The following BNC2 variants were observed in gnomAD, a reference collection of about 807,000 sequenced individuals.
The protein encoded by BNC2 is basonuclin zinc finger protein 2.
In BNC2, 20 loss-of-function variants were observed where a neutral mutation model predicts 76.3. The ratio of observed to expected loss-of-function variants is 0.26; its 90% confidence interval spans 0.18 to 0.38. The LOEUF (loss-of-function observed/expected upper bound fraction) is 0.38, where lower values mean the gene tolerates loss of function less well. Ranked by LOEUF, BNC2 falls within the 10% of genes least tolerant of loss-of-function variation. BNC2 has a pLI of 1.00. For missense variants in BNC2, 1,382 were observed against 1,399.8 expected, an observed-to-expected ratio of 0.99 and a Z score of 0.20; for synonymous variants, 582 against 514.8, an observed-to-expected ratio of 1.13 and a Z score of -1.77.
chr9:16,584,096 G>T (rs1256113763), intron 3 of BNC2, among the ~76,000 whole-genome samples: 1 of 152,124 alleles, frequency 6.6e-6, no homozygotes, highest in Non-Finnish European at 1.5e-5. Context: ...GATTTAGTCT[G>T]ATCATTCGCA....
At chr9:16,425,183 T>C (rs1403236149) in intron 6 of BNC2, among the ~76,000 whole-genome samples, 2 of 152,152 alleles carry the variant, frequency 1.3e-5, no homozygotes, top group East Asian at 1.9e-4. Flanking sequence ...AAACAAATCA[T>C]CCATACTAGT....
At chr9:16,550,279 T>C (rs1407254255) in intron 5 of BNC2, among the ~76,000 whole-genome samples, 1 of 152,210 alleles carries the variant, frequency 6.6e-6, no homozygotes, top group African/African-American at 2.4e-5. Context: ...GCTCATCAGC[T>C]ATTGTTAGTG....
chr9:16,787,843 G>A (rs1340365285), intron 1 of BNC2, among the ~76,000 whole-genome samples: 4 of 152,136 alleles, frequency 2.6e-5, no homozygotes, highest in Admixed American at 6.5e-5. Flanking sequence ...GAGCCAACGC[G>A]CCCTGCCCTT....
chr9:16,825,348 CTTTAT>C (rs1818429721), intron 1 of BNC2, among the ~76,000 whole-genome samples: 1 of 152,146 alleles, frequency 6.6e-6, no homozygotes, highest in Non-Finnish European at 1.5e-5. Context: ...CTATTCTCCT[CTTTAT>C]TTTTGTCTCA....
chr9:16,624,742 A>T (rs532296784), intron 3 of BNC2, among the ~76,000 whole-genome samples: 18 of 152,246 alleles, frequency 1.2e-4, no homozygotes, highest in East Asian at 1.2e-3. Context: ...TCATGTTTTT[A>T]AAAAAAATCA....
chr9:16,731,856 G>T (rs986369389), intron 2 of BNC2, among the ~76,000 whole-genome samples: 2 of 152,022 alleles, frequency 1.3e-5, no homozygotes, highest in Non-Finnish European at 2.9e-5. Flanking sequence ...CCATGTTTTG[G>T]ATAGTAATTA....
chr9:16,828,074 A>G (rs1353905024), intron 1 of BNC2, among the ~76,000 whole-genome samples: 2 of 152,210 alleles, frequency 1.3e-5, no homozygotes, highest in Non-Finnish European at 2.9e-5. Flanking sequence ...TGTTCACACT[A>G]TAAAGTCATC....
At chr9:16,826,877 G>GA (rs1281321754) in intron 1 of BNC2, among the ~76,000 whole-genome samples, 1 of 152,060 alleles carries the variant, frequency 6.6e-6, no homozygotes, top group Non-Finnish European at 1.5e-5. Flanking sequence ...ATCTAAATAA[G>GA]AAAAAAATTT....
intron 3 of BNC2, among the ~76,000 whole-genome samples, chr9:16,635,969 T>TA (rs1821312311): frequency 6.6e-6 from 1 of 152,032 alleles, no homozygotes; most frequent in Non-Finnish European, 1.5e-5. Flanking sequence ...GGGGATACAT[T>TA]AAGAGGGTTG....
intron 5 of BNC2, among the ~76,000 whole-genome samples, chr9:16,550,933 A>G (rs1818642440): frequency 6.6e-6 from 1 of 152,130 alleles, no homozygotes; most frequent in Non-Finnish European, 1.5e-5. Flanking sequence ...ATGACTGTAG[A>G]AAGACGCAGC....
chr9:16,827,574 T>C (rs1818483650), intron 1 of BNC2, among the ~76,000 whole-genome samples: 1 of 152,202 alleles, frequency 6.6e-6, no homozygotes, highest in Non-Finnish European at 1.5e-5. Context: ...AAAGGAAAAC[T>C]ATAAACTTTG....
chr9:16,502,393 G>A (rs1022683669), intron 5 of BNC2, among the ~76,000 whole-genome samples: 31 of 151,988 alleles, frequency 2.0e-4, no homozygotes, highest in Admixed American at 6.6e-4. Flanking sequence ...ATAGGATTGG[G>A]TTAATTTTTT....
At chr9:16,780,023 T>G (rs969746805) in intron 1 of BNC2, among the ~76,000 whole-genome samples, 2 of 149,716 alleles carry the variant, frequency 1.3e-5, no homozygotes, top group Non-Finnish European at 3.0e-5. Flanking sequence ...GATCACAAGG[T>G]CAGCAGATCG....
chr9:16,565,442 A>G (rs569292270), intron 4 of BNC2, among the ~76,000 whole-genome samples: 1 of 152,310 alleles, frequency 6.6e-6, no homozygotes, highest in African/African-American at 2.4e-5. Flanking sequence ...TAAGTTTTAG[A>G]GATTTAGTGA....
intron 5 of BNC2, among the ~76,000 whole-genome samples, chr9:16,549,120 C>T (rs1436365030): frequency 1.3e-5 from 2 of 152,168 alleles, no homozygotes; most frequent in Non-Finnish European, 2.9e-5. Flanking sequence ...CCCTCTTCCC[C>T]CTACATCCAA....
intron 3 of BNC2, among the ~76,000 whole-genome samples, chr9:16,630,030 G>A (rs1381968799): frequency 6.6e-6 from 1 of 152,162 alleles, no homozygotes; most frequent in African/African-American, 2.4e-5. Context: ...TTTCAAAATT[G>A]GAGTCAATTC....
intron 5 of BNC2, among the ~76,000 whole-genome samples, chr9:16,463,889 T>C (rs201954869): frequency 6.6e-6 from 1 of 151,566 alleles, no homozygotes; most frequent in Non-Finnish European, 1.5e-5. Flanking sequence ...TGAGGTTAGG[T>C]GTTTGAGACC....
At chr9:16,444,214 A>AT (rs1280173524) in intron 5 of BNC2, among the ~76,000 whole-genome samples, 3 of 152,078 alleles carry the variant, frequency 2.0e-5, no homozygotes, top group African/African-American at 4.8e-5. Flanking sequence ...CCTAAAGGTG[A>AT]TTTTTTGCTA....
At chr9:16,839,645 C>T (rs943996105) in intron 1 of BNC2, among the ~76,000 whole-genome samples, 3 of 152,218 alleles carry the variant, frequency 2.0e-5, no homozygotes, top group Non-Finnish European at 4.4e-5. Context: ...TAGGCGCCAT[C>T]ACTATATGCC....
Sources: allele counts gnomAD v4.1 joint callset (sites outside exome capture counted in the v4.1 genomes callset), GRCh38; gene constraint gnomAD v4.1.1; transcripts MANE v1.5; gene names NCBI Gene and HGNC (gene_info 2026-07-23, HGNC 2026-07-21).